Variants in SERPINB2 observed in about 807,000 individuals in gnomAD.
SERPINB2 encodes the protein serpin family B member 2, also known as plasminogen activator inhibitor 2.
A neutral mutation model predicts 39.4 loss-of-function variants in SERPINB2; 28 were observed. That is an observed-to-expected ratio of 0.71 (90% CI 0.53 to 0.97). The LOEUF (loss-of-function observed/expected upper bound fraction) is 0.97, where lower values mean the gene tolerates loss of function less well. Among genes scored for constraint, SERPINB2 ranks in the 50% least tolerant of loss-of-function variants. The pLI is 0.00. For synonymous variants in SERPINB2, 209 were observed against 175.1 expected (o/e 1.19, Z -1.53); for missense variants, 557 against 505.3 (o/e 1.10, Z -0.98).
chr18:63,891,301 A>G lies in SERPINB2; in HGVS notation c.-9-135A>G, dbSNP rs2049924153. Reference sequence around the variant, plus strand: ...CATGAAGCTGTCCCTGACCTGCCTCATGTTGTTCCATGAGGAAGAACAGAC... The same window carrying G: ...CATGAAGCTGTCCCTGACCTGCCTCGTGTTGTTCCATGAGGAAGAACAGAC... On this transcript the variant is annotated intron_variant, in intron 1 of 7. Coordinates refer to ENST00000299502, the MANE Select transcript of SERPINB2 (RefSeq NM_002575.3). 4.4e-6 allele frequency: 4 copies of G among 900,534 alleles called. No individual in the cohort carries two copies. The South Asian group carries it at 6.5e-5, about 15-fold the overall frequency. 55.8% of individuals were successfully genotyped at this position (900,534 alleles called of 1,614,324 possible).
In SERPINB2 at chr18:63,893,653, A is replaced by T. The variant is rs142562034; in HGVS notation, c.169-1611A>T. Among the ~76,000 whole-genome samples, 403 of 152,312 alleles carry T rather than the reference A, an allele frequency of 2.6e-3. 1 individual carries two copies. The highest frequency in any genetic ancestry group is 9.2e-3 in the African/African-American group (383 of 41,570). On this transcript the variant is annotated intron_variant, in intron 2 of 7. Transcript: ENST00000299502. Reference sequence around the variant, plus strand: ...GTGTGAGGACATTGAAACCATTTGCATCTCAGTTTTCTCATCTACAAAATG... The same window carrying T: ...GTGTGAGGACATTGAAACCATTTGCTTCTCAGTTTTCTCATCTACAAAATG...
intron 2 of SERPINB2, among the ~76,000 whole-genome samples, chr18:63,893,913 G>A (rs183038395): frequency 3.5e-4 from 53 of 152,328 alleles, no homozygotes; most frequent in African/African-American, 1.2e-3. Flanking sequence ...CCACACAGTT[G>A]AGAATTGCTG....
At chr18:63,889,267 C>T (rs1402728770) in intron 1 of SERPINB2, among the ~76,000 whole-genome samples, 1 of 152,080 alleles carries the variant, frequency 6.6e-6, no homozygotes, top group Admixed American at 6.5e-5. Flanking sequence ...ATTAATTACA[C>T]CTTATTTAAA....
intron 1 of SERPINB2, among the ~76,000 whole-genome samples, chr18:63,888,665 TC>T (rs2049907237): frequency 1.3e-5 from 2 of 152,162 alleles, no homozygotes; most frequent in African/African-American, 4.8e-5. Flanking sequence ...AATTCTTCCT[TC>T]CCTGTGCCAA....
chr18:63,896,486 G>T (rs1350082831), intron 3 of SERPINB2, among the ~76,000 whole-genome samples: 2 of 152,126 alleles, frequency 1.3e-5, no homozygotes, highest in African/African-American at 2.4e-5. Context: ...CTTTACTGAG[G>T]TATAATGGAC....
intron 5 of SERPINB2, among the ~76,000 whole-genome samples, chr18:63,900,457 T>C (rs1210377877): frequency 1.3e-5 from 2 of 152,168 alleles, no homozygotes; most frequent in African/African-American, 2.4e-5. Flanking sequence ...AACAGCTTTA[T>C]TGAAGTGGCA....
In SERPINB2 at chr18:63,888,328, T is replaced by C. The variant is rs543127113; in HGVS notation, c.-10+558T>C. On this transcript the variant is annotated intron_variant, in intron 1 of 7. Coordinates refer to ENST00000299502, the MANE Select transcript of SERPINB2 (RefSeq NM_002575.3). The stretch of plus-strand genomic sequence containing the variant: ...GGGTCAATTTAGTGAAAGAGAATAA[T>C]CAGCCAAAGTAGTTGCAGGGTTGAC... Among the ~76,000 whole-genome samples, 9 of 152,302 alleles carry C rather than the reference T, an allele frequency of 5.9e-5. No homozygotes were observed. The East Asian group carries it at 9.6e-4, about 16-fold the overall frequency.
At chr18:63,901,533 A>AT (rs1407486743) in intron 5 of SERPINB2, among the ~76,000 whole-genome samples, 3 of 152,026 alleles carry the variant, frequency 2.0e-5, no homozygotes, top group Non-Finnish European at 4.4e-5. Flanking sequence ...TAAATGCATT[A>AT]TTTCTTCATT....
At chr18:63,891,274 T>C (rs973111215) in intron 1 of SERPINB2, among the ~76,000 whole-genome samples, 162 bp from the exon 2 acceptor site, 2 of 152,134 alleles carry the variant, frequency 1.3e-5, no homozygotes, top group Non-Finnish European at 2.9e-5. Context: ...AGGTGGTATG[T>C]CCATGAAGCT....
chr18:63,896,312 T>A (rs973449945), intron 3 of SERPINB2, among the ~76,000 whole-genome samples: 3 of 152,220 alleles, frequency 2.0e-5, no homozygotes, highest in African/African-American at 7.2e-5. Flanking sequence ...GTGTCTGACA[T>A]GGTGCTTACA....
rs554345882 is a variant in SERPINB2, at chr18:63,902,254, C to T, written c.679-150C>T. On this transcript the variant is annotated intron_variant, in intron 6 of 7. Transcript: ENST00000299502. ...CAAGCTAATAACATCAGAGTACCCA[C>T]TGTAAGGATGTACAAATAATTTATT... The T allele has an allele frequency of 7.6e-6, 5 of 658,722 alleles. No individual in the cohort carries two copies. In the East Asian group the frequency reaches 1.5e-4, roughly 19 times the overall value. The allele number at this position is 658,722 out of a possible 1,614,324, so 40.8% of individuals were successfully genotyped here. A position where few individuals can be genotyped will look rare whatever the true frequency, so the allele number is the denominator to read the frequency against.
chr18:63,903,234 C>A lies in SERPINB2; in HGVS notation c.1177C>A (p.Pro393Thr), dbSNP rs758104670. ...AGGCCCACAGTTTGTGGCAGATCAT[C>A]CTTTTCTTTTTCTTATTATGCATAA... ...HGGPQFVADH[P>T]FLFLIMHKIT... Residue 393 changes from proline (P) to threonine (T), a missense_variant, in exon 8 of 8, where the codon CCT (proline) becomes ACT (threonine). Pro to Thr is a conservative substitution (Grantham distance 38, BLOSUM62 -1). Coordinates refer to ENST00000299502, the MANE Select transcript of SERPINB2 (RefSeq NM_002575.3). 6.9e-6 allele frequency: 11 copies of A among 1,600,060 alleles called. No homozygotes were observed. The highest frequency in any genetic ancestry group is 9.4e-6 in the Non-Finnish European group (11 of 1,174,846).
At chr18:63,891,684 T>A in intron 2 of SERPINB2, 72 bp downstream of exon 2, 1 of 1,460,024 alleles carries the variant, frequency 6.8e-7, no homozygotes, top group Non-Finnish European at 9.3e-7. Context: ...GCTCTTGTTT[T>A]ATGCTAAAGA....
In SERPINB2 at chr18:63,901,849, A is replaced by T. The variant is rs1160345639; in HGVS notation, c.645A>T (p.Lys215Asn). 6 of 1,603,270 alleles carry T rather than the reference A, an allele frequency of 3.7e-6. No individual in the cohort carries two copies. The highest frequency in any genetic ancestry group is 5.1e-6 in the Non-Finnish European group (6 of 1,177,038). ...KGKWKTPFEK[K>N]LNGLYPFRVN... ...AGTGGAAAACTCCATTTGAGAAGAA[A>T]CTAAATGGGCTTTATCCTTTCCGTG... The change falls in exon 6 of 8, where the codon AAA becomes AAT. Residue 215 changes from lysine (K) to asparagine (N), a missense_variant. By Grantham distance (94) the Lys-to-Asn change is moderately conservative. Transcript: ENST00000299502.
intron 2 of SERPINB2, 149 bp from the exon 3 acceptor site, chr18:63,895,115 A>G: frequency 1.2e-6 from 1 of 833,992 alleles, no homozygotes. Flanking sequence ...TATTACACAG[A>G]AAGAGTATTG....
chr18:63,893,172 C>G (rs2049937729), intron 2 of SERPINB2, among the ~76,000 whole-genome samples: 1 of 152,200 alleles, frequency 6.6e-6, no homozygotes, highest in Non-Finnish European at 1.5e-5. Context: ...TTGTGATCCA[C>G]CTGCCTCGGC....
intron 1 of SERPINB2, chr18:63,890,880 C>T (rs117231882): frequency 1.3e-3 from 201 of 152,504 alleles, no homozygotes; most frequent in Non-Finnish European, 2.2e-3. Context: ...GAAGATTGAC[C>T]GTCTTACCAG....
intron 2 of SERPINB2, among the ~76,000 whole-genome samples, chr18:63,891,941 A>G (rs1309421129): frequency 1.3e-5 from 2 of 152,134 alleles, no homozygotes; most frequent in Non-Finnish European, 2.9e-5. Flanking sequence ...TATCTCATTC[A>G]GTTTTAAGAC....
rs770768315 is a variant in SERPINB2, at chr18:63,897,120, C to A, written c.318C>A (p.Ser106=). The change falls in exon 4 of 8, where the codon TCC becomes TCA. Residue 106 remains serine, a synonymous_variant. Coordinates refer to ENST00000299502, the MANE Select transcript of SERPINB2 (RefSeq NM_002575.3). ...AAGCTGCAGATAAAATCCATTCATC[C>A]TTCCGCTCTCTCAGCTCTGCAATCA... ...QAQAADKIHS[S]FRSLSSAINA... is the part of the protein sequence containing the mutation. The A allele has an allele frequency of 3.1e-6, 5 of 1,612,898 alleles. No homozygotes were observed. In the East Asian group the frequency reaches 1.1e-4, roughly 36 times the overall value.
Sources: gnomAD v4.1 joint callset for allele counts (sites outside exome capture counted in the v4.1 genomes callset) on GRCh38, gnomAD v4.1.1 for gene constraint, MANE v1.5 for transcripts, NCBI Gene and HGNC (gene_info 2026-07-23, HGNC 2026-07-21) for gene names.